AXDND1: variants seen among roughly 807,000 people sequenced by gnomAD.
The protein encoded by AXDND1 is axonemal dynein light chain domain containing 1.
In AXDND1, 110 loss-of-function variants were observed where a neutral mutation model predicts 137.5. The observed-to-expected ratio is 0.80, with a 90% confidence interval of 0.69 to 0.94. The LOEUF is 0.94. AXDND1 is among the 40% of genes least tolerant of loss of function. AXDND1 has a pLI of 0.00. For missense variants in AXDND1, 1,191 were observed against 1,169.8 expected, an observed-to-expected ratio of 1.02 and a Z score of -0.26; for synonymous variants, 414 against 399.7, an observed-to-expected ratio of 1.04 and a Z score of -0.43.
intron 16 of AXDND1, among the ~76,000 whole-genome samples, chr1:179,458,839 A>G (rs921631047): frequency 1.3e-5 from 2 of 151,142 alleles, no homozygotes; most frequent in Non-Finnish European, 2.9e-5. Context: ...AAAATAGATG[A>G]GGATGCTTGA....
At chr1:179,460,263 A>T (rs114744994) in intron 16 of AXDND1, among the ~76,000 whole-genome samples, 1 of 151,868 alleles carries the variant, frequency 6.6e-6, no homozygotes, top group Non-Finnish European at 1.5e-5. Flanking sequence ...TCATTGTTCA[A>T]TTCTCACATA....
intron 18 of AXDND1, among the ~76,000 whole-genome samples, chr1:179,490,939 C>T (rs72704426): frequency 0.093 from 14,162 of 152,164 alleles, 927 homozygotes; most frequent in African/African-American, 0.18. Flanking sequence ...CCTATGGCAT[C>T]CTTGTGAGTT....
intron 11 of AXDND1, among the ~76,000 whole-genome samples, chr1:179,400,882 G>A (rs1651891449): frequency 7.2e-6 from 1 of 138,560 alleles, no homozygotes. Context: ...TCCAGCCTGG[G>A]CAACAGAGCG....
chr1:179,456,678 T>C lies in AXDND1; in HGVS notation c.1798+11474T>C. ...ACCAAAGCCATCATGACCACTGAAGTTTCCTCCGTGACCAAAGTTGTCATT... is the reference window on the plus strand; with the variant it reads ...ACCAAAGCCATCATGACCACTGAAGCTTCCTCCGTGACCAAAGTTGTCATT... On this transcript the variant is annotated intron_variant, in intron 16 of 25. Transcript: ENST00000367618. The C allele has an allele frequency of 1.1e-5, 9 of 803,738 alleles. No individual in the cohort carries two copies. In the South Asian group the frequency reaches 1.2e-4, roughly 11 times the overall value. 49.8% of individuals were successfully genotyped at this position (803,738 alleles called of 1,614,324 possible). A position where few individuals can be genotyped will look rare whatever the true frequency, so the allele number is the denominator to read the frequency against.
intron 17 of AXDND1, 72 bp downstream of exon 17, chr1:179,468,713 A>C: frequency 8.1e-7 from 1 of 1,237,702 alleles, no homozygotes; most frequent in South Asian, 1.6e-5. Flanking sequence ...CTTCATATAT[A>C]ATTCACTTTT....
chr1:179,384,927 C>T (rs2125101013), intron 8 of AXDND1, among the ~76,000 whole-genome samples: 1 of 152,130 alleles, frequency 6.6e-6, no homozygotes, highest in Admixed American at 6.5e-5. Flanking sequence ...CCATGGCTGG[C>T]TAATTTTTAT....
chr1:179,413,207 A>G (rs1260994414), intron 12 of AXDND1, among the ~76,000 whole-genome samples: 2 of 152,188 alleles, frequency 1.3e-5, no homozygotes, highest in Admixed American at 6.6e-5. Context: ...GGTAATAAAC[A>G]TATCCACATT....
intron 17 of AXDND1, among the ~76,000 whole-genome samples, chr1:179,470,852 T>C (rs1663834088): frequency 6.6e-6 from 1 of 152,188 alleles, no homozygotes; most frequent in Admixed American, 6.5e-5. Context: ...GCATCCAGTC[T>C]TTCACTATTA....
chr1:179,414,205 A>C (rs4326582), intron 12 of AXDND1, among the ~76,000 whole-genome samples: 132,148 of 151,322 alleles, frequency 0.87, 57,810 homozygotes, highest in East Asian at 0.9. Flanking sequence ...ACAAAAAAAA[A>C]CCCAACGTAT....
intron 12 of AXDND1, among the ~76,000 whole-genome samples, chr1:179,416,160 T>C (rs548930164): frequency 1.3e-5 from 2 of 152,320 alleles, no homozygotes; most frequent in African/African-American, 4.8e-5. Flanking sequence ...TCCACTCTTT[T>C]AGCTCCCACA....
intron 4 of AXDND1, among the ~76,000 whole-genome samples, chr1:179,374,866 C>A (rs1348309959): frequency 6.6e-6 from 1 of 151,080 alleles, no homozygotes; most frequent in African/African-American, 2.4e-5. Context: ...AGGAGGAATA[C>A]CTAATGTAAA....
intron 20 of AXDND1, among the ~76,000 whole-genome samples, chr1:179,501,555 C>T (rs1023500775): frequency 1.3e-5 from 2 of 151,892 alleles, no homozygotes; most frequent in Non-Finnish European, 2.9e-5. Context: ...ACTAAAAATA[C>T]AAAAAAATTA....
chr1:179,470,004 G>A (rs1418129440), intron 17 of AXDND1, among the ~76,000 whole-genome samples: 1 of 152,082 alleles, frequency 6.6e-6, no homozygotes, highest in Non-Finnish European at 1.5e-5. Flanking sequence ...TTTTGTATAT[G>A]GTATGTGGTA....
chr1:179,453,923 T>A (rs1347234040), intron 16 of AXDND1: 2 of 152,180 alleles, frequency 1.3e-5, no homozygotes, highest in African/African-American at 4.8e-5. Flanking sequence ...CCAATGCCTG[T>A]ACCCCCTTCG....
chr1:179,447,660 G>C (rs1478786159), intron 16 of AXDND1: 2 of 1,345,072 alleles, frequency 1.5e-6, no homozygotes, highest in African/African-American at 1.4e-5. Flanking sequence ...GTTTTCCACT[G>C]TTCATTCCAA....
chr1:179,482,630 T>G (rs1288428421), intron 17 of AXDND1, among the ~76,000 whole-genome samples: 2 of 152,078 alleles, frequency 1.3e-5, no homozygotes, highest in Non-Finnish European at 2.9e-5. Flanking sequence ...TGAATCTTCA[T>G]AGATTTTCTC....
At chr1:179,462,555 C>T (rs199930428) in intron 16 of AXDND1, among the ~76,000 whole-genome samples, 5 of 152,116 alleles carry the variant, frequency 3.3e-5, no homozygotes, top group African/African-American at 1.2e-4. Flanking sequence ...ATGATTCTGG[C>T]CTCATAAAAT....
intron 16 of AXDND1, 122 bp from the exon 17 acceptor site, chr1:179,468,321 C>T (rs1035878975): frequency 6.0e-6 from 4 of 667,802 alleles, no homozygotes; most frequent in African/African-American, 5.5e-5. Flanking sequence ...GCTAGTCAAG[C>T]TGTAGGATAA....
chr1:179,475,041 T>C (rs1664436386), intron 17 of AXDND1, among the ~76,000 whole-genome samples: 1 of 151,970 alleles, frequency 6.6e-6, no homozygotes, highest in South Asian at 2.1e-4. Flanking sequence ...CAAAAGGTGG[T>C]CTTGGGCCTG....
Sources: gnomAD v4.1 joint callset for allele counts (sites outside exome capture counted in the v4.1 genomes callset) on GRCh38, gnomAD v4.1.1 for gene constraint, MANE v1.5 for transcripts, NCBI Gene and HGNC (gene_info 2026-07-23, HGNC 2026-07-21) for gene names.